The following EFCAB8 variants were observed in gnomAD, a reference collection of about 807,000 sequenced individuals.
EFCAB8 encodes the protein EF-hand calcium binding domain 8, also known as EF-hand calcium-binding domain-containing protein 8.
A neutral mutation model predicts 116.3 loss-of-function variants in EFCAB8; 100 were observed. The observed-to-expected ratio is 0.86, with a 90% CI of 0.73 to 1.02. The LOEUF is 1.02. EFCAB8 is among the 50% of genes least tolerant of loss of function. EFCAB8 has a pLI of 0.00. For synonymous variants in EFCAB8, 558 were observed against 567.9 expected (o/e 0.98, Z 0.25); for missense variants, 1,320 against 1,416.9 (o/e 0.93, Z 1.10).
chr20:32,939,191 CTTTCTTTCTTTCCTCTCTCT>C (rs1403757653), intron 22 of EFCAB8, among the ~76,000 whole-genome samples: 2 of 57,964 alleles, frequency 3.5e-5, no homozygotes, highest in African/African-American at 1.6e-4. Context: ...TTCTTTCTTT[CTTTCTTTCTTTCCTCTCTCT>C]CTCTCTCTCT....
At chr20:32,909,660 CT>C (rs1413584132) in intron 14 of EFCAB8, among the ~76,000 whole-genome samples, 160 bp from the exon 15 acceptor site, 1 of 152,128 alleles carries the variant, frequency 6.6e-6, no homozygotes, top group African/African-American at 2.4e-5. Context: ...GTGGGGGTAT[CT>C]GCAGGCCTGC....
At chr20:32,915,672 CT>C (rs34915357) in intron 17 of EFCAB8, among the ~76,000 whole-genome samples, 5,591 of 141,654 alleles carry the variant, frequency 0.039, 123 homozygotes, top group Non-Finnish European at 0.058. Flanking sequence ...CTATTACCTA[CT>C]TTTTTTTTTT....
Position 32,911,630 on chromosome 20 carries a change from C to A in EFCAB8, c.1708C>A (p.Arg570=). The A allele has an allele frequency of 6.4e-7, 1 of 1,551,596 alleles. No individual in the cohort carries two copies. The highest frequency in any genetic ancestry group is 8.7e-7 in the Non-Finnish European group (1 of 1,146,948). The change falls in exon 16 of 27, where the codon CGG becomes AGG. Residue 570 remains arginine (R), a synonymous_variant. Coordinates refer to ENST00000400522, the MANE Select transcript of EFCAB8 (RefSeq NM_001143967.2). ...ESERCLLTGL[R]DGTMKMWNYN... ...AGAGCGGTGCCTGCTCACAGGTTTG[C>A]GGGATGGCACAATGAAGATGTGGAA... is the stretch of plus-strand genomic sequence containing the variant.
Position 32,897,439 on chromosome 20 carries a change from CTTTTTTT to C in EFCAB8, c.957+923_957+929del, listed in dbSNP as rs10693739. On this transcript the variant is annotated intron_variant, in intron 10 of 26. Transcript: ENST00000400522. ...GGGTGATCCAACAGGCCTGCACTGACTTTTTTTTTTTTTTTTTGGTTGAGTCAGGGCC... is the reference window on the plus strand; with the variant it reads ...GGGTGATCCAACAGGCCTGCACTGACTTTTTTTTTTGGTTGAGTCAGGGCC... 2.2e-5 allele frequency among the ~76,000 whole-genome samples: 3 copies of C among 136,222 alleles called. No homozygotes were observed. The East Asian group carries it at 6.5e-4, about 30-fold the overall frequency. The allele number at this position is 136,222 out of a possible 152,430, so 89.4% of individuals were successfully genotyped here.
chr20:32,859,150 C>T (rs943414889), intron 1 of EFCAB8, 144 bp downstream of exon 1: 1 of 418,726 alleles, frequency 2.4e-6, no homozygotes, highest in Non-Finnish European at 4.9e-6. Flanking sequence ...AGTCATCTGC[C>T]TCTACAAATT....
intron 6 of EFCAB8, among the ~76,000 whole-genome samples, chr20:32,888,326 G>C (rs758047602): frequency 6.6e-6 from 1 of 152,036 alleles, no homozygotes; most frequent in Non-Finnish European, 1.5e-5. Context: ...CCCGGGTTCA[G>C]GTGATTCTTC....
chr20:32,888,975 G>A (rs190608920), intron 6 of EFCAB8, among the ~76,000 whole-genome samples: 53 of 151,720 alleles, frequency 3.5e-4, no homozygotes, highest in Non-Finnish European at 6.3e-4. Context: ...GGCGGGGGGC[G>A]GACAGGGTCT....
chr20:32,939,128 T>TTTCTTTCC, intron 22 of EFCAB8, among the ~76,000 whole-genome samples: 1 of 16,546 alleles, frequency 6.0e-5, no homozygotes, highest in Admixed American at 6.2e-4. Context: ...TTTCTTTCTC[T>TTTCTTTCC]TTCTTTCTTT....
At chr20:32,892,489 G>A (rs1398215994) in intron 8 of EFCAB8, among the ~76,000 whole-genome samples, 192 bp downstream of exon 8, 2 of 152,142 alleles carry the variant, frequency 1.3e-5, no homozygotes, top group Non-Finnish European at 2.9e-5. Flanking sequence ...ACCTCTCATG[G>A]TCACTCAGAG....
intron 3 of EFCAB8, among the ~76,000 whole-genome samples, chr20:32,871,396 C>T (rs1428808214): frequency 6.6e-6 from 1 of 152,016 alleles, no homozygotes; most frequent in African/African-American, 2.4e-5. Context: ...GACTCAGCCT[C>T]CAGAGTAGCT....
intron 23 of EFCAB8, among the ~76,000 whole-genome samples, chr20:32,947,722 G>T (rs1188867281): frequency 6.6e-6 from 1 of 151,964 alleles, no homozygotes; most frequent in Non-Finnish European, 1.5e-5. Context: ...GGGGAAATTT[G>T]TAGCACTAAA....
At chr20:32,860,493 CTTTTTTTTTTTTTTTTTTTTTT>C (rs71190881) in intron 1 of EFCAB8, among the ~76,000 whole-genome samples, 2 of 83,996 alleles carry the variant, frequency 2.4e-5, no homozygotes, top group Non-Finnish European at 3.9e-5. Context: ...ATGGTGGTAA[CTTTTTTTTTTTTTTTTTTTTTT>C]TTTTTTTTTG....
intron 22 of EFCAB8, among the ~76,000 whole-genome samples, chr20:32,935,188 C>CTTTTTTTTTTTTTTTTTTTTTTTTT (rs754022404): frequency 2.5e-4 from 17 of 66,918 alleles, no homozygotes; most frequent in South Asian, 4.8e-4. Context: ...TTCTTTCTTT[C>CTTTTTTTTTTTTTTTTTTTTTTTTT]TTTCTTTTTT....
chr20:32,876,199 C>A (rs534554101), intron 4 of EFCAB8, among the ~76,000 whole-genome samples, 155 bp downstream of exon 4: 1 of 152,322 alleles, frequency 6.6e-6, no homozygotes, highest in African/African-American at 2.4e-5. Context: ...CTGGTGGAGA[C>A]GTCCCTCCTA....
chr20:32,912,380 C>T (rs970835392), intron 16 of EFCAB8, among the ~76,000 whole-genome samples: 2 of 149,358 alleles, frequency 1.3e-5, no homozygotes, highest in South Asian at 2.1e-4. Context: ...TGCAGTGAGC[C>T]GAGATCCCGC....
chr20:32,954,166 C>T (rs1241845183), intron 23 of EFCAB8, among the ~76,000 whole-genome samples: 1 of 152,086 alleles, frequency 6.6e-6, no homozygotes, highest in East Asian at 1.9e-4. Flanking sequence ...GCTTTCATTG[C>T]CTGTTTTTTT....
intron 23 of EFCAB8, among the ~76,000 whole-genome samples, chr20:32,948,391 C>T (rs1988672555): frequency 6.6e-6 from 1 of 151,894 alleles, no homozygotes; most frequent in Non-Finnish European, 1.5e-5. Context: ...TGAATTTTAC[C>T]CAAATATTTG....
chr20:32,877,942 C>G (rs1985070975), intron 4 of EFCAB8, among the ~76,000 whole-genome samples: 1 of 152,156 alleles, frequency 6.6e-6, no homozygotes, highest in African/African-American at 2.4e-5. Flanking sequence ...TGTGCTCTTT[C>G]AGTGAATGCT....
intron 11 of EFCAB8, chr20:32,903,542 C>T (rs1443992298): frequency 2.6e-5 from 4 of 152,250 alleles, no homozygotes; most frequent in African/African-American, 7.2e-5. Context: ...TTGATCAATA[C>T]GTGAAATCGG....
Sources: gnomAD v4.1 joint callset for allele counts (sites outside exome capture counted in the v4.1 genomes callset) on GRCh38, gnomAD v4.1.1 for gene constraint, MANE v1.5 for transcripts, NCBI Gene and HGNC (gene_info 2026-07-23, HGNC 2026-07-21) for gene names.